Variants in KCNT2 observed in about 807,000 individuals in gnomAD.
KCNT2 encodes potassium sodium-activated channel subfamily T member 2, also known as potassium channel subfamily T member 2.
Under a neutral mutation model 153.8 loss-of-function variants are expected in KCNT2, and 67 were observed. That is an observed-to-expected ratio of 0.44 (90% CI 0.36 to 0.53). The LOEUF (loss-of-function observed/expected upper bound fraction) is 0.53. Among genes scored for constraint, KCNT2 ranks in the 20% least tolerant of loss-of-function variants. The probability of loss-of-function intolerance (pLI) is 0.00; values close to 1 mark genes in which losing one functional copy is unlikely to be tolerated. For synonymous variants in KCNT2, 500 were observed against 458.8 expected (o/e 1.09, Z -1.15); for missense variants, 975 against 1,354.8 (o/e 0.72, Z 4.40).
At chr1:196,414,147 A>T (rs1258482525) in intron 12 of KCNT2, among the ~76,000 whole-genome samples, 1 of 151,706 alleles carries the variant, frequency 6.6e-6, no homozygotes, top group Non-Finnish European at 1.5e-5. Flanking sequence ...AATCACTTCA[A>T]AGTTATGCCT....
intron 26 of KCNT2, among the ~76,000 whole-genome samples, chr1:196,246,015 T>A (rs150734663): frequency 6.6e-6 from 1 of 152,172 alleles, no homozygotes; most frequent in African/African-American, 2.4e-5. Flanking sequence ...ATCAAGCAGA[T>A]TAATCAAAAT....
At chr1:196,420,882 C>G (rs912949322) in intron 12 of KCNT2, among the ~76,000 whole-genome samples, 1 of 152,008 alleles carries the variant, frequency 6.6e-6, no homozygotes, top group African/African-American at 2.4e-5. Flanking sequence ...ATAGCAAACT[C>G]TTTTACCAGG....
intron 24 of KCNT2, 114 bp from the exon 25 acceptor site, chr1:196,281,102 A>C: frequency 6.6e-6 from 5 of 763,084 alleles, no homozygotes; most frequent in Non-Finnish European, 1.1e-5. Flanking sequence ...TCACTCTGTC[A>C]CCCAGGCTAC....
chr1:196,488,904 T>A (rs1273807366), intron 3 of KCNT2, among the ~76,000 whole-genome samples: 1 of 151,996 alleles, frequency 6.6e-6, no homozygotes, highest in Non-Finnish European at 1.5e-5. Flanking sequence ...TTGGCTGTTG[T>A]GAGAGAAGTA....
chr1:196,366,087 AC>A lies in KCNT2; in HGVS notation c.1403+7052del, dbSNP rs138278794. On this transcript the variant is annotated intron_variant, in intron 14 of 27. Transcript: ENST00000294725. ...GCCCATTGTTTCTTTTCAGATCTCAACTTTTACTACCTTTCTCTTCCTTCAC... is the reference window on the plus strand; with the variant it reads ...GCCCATTGTTTCTTTTCAGATCTCAATTTTACTACCTTTCTCTTCCTTCAC... 7.8e-3 allele frequency among the ~76,000 whole-genome samples: 1,180 copies of A among 152,074 alleles called. 15 individuals carry two copies. Among genetic ancestry groups the A allele is most frequent in the African/African-American group, 0.027 (1,127 of 41,490 alleles).
At chr1:196,448,859 C>T (rs1363562128) in intron 8 of KCNT2, among the ~76,000 whole-genome samples, 1 of 151,366 alleles carries the variant, frequency 6.6e-6, no homozygotes, top group African/African-American at 2.4e-5. Context: ...TATAAATATG[C>T]CTCTGTGAAA....
At chr1:196,394,838 C>A (rs1005619615) in intron 13 of KCNT2, among the ~76,000 whole-genome samples, 28 of 151,362 alleles carry the variant, frequency 1.8e-4, no homozygotes, top group Admixed American at 1.5e-3. Flanking sequence ...CAGAAAAATA[C>A]TGGATAAAAG....
intron 21 of KCNT2, among the ~76,000 whole-genome samples, chr1:196,311,068 A>T (rs2148002038): frequency 6.6e-6 from 1 of 151,928 alleles, no homozygotes; most frequent in South Asian, 2.1e-4. Context: ...CAGGTAAAAG[A>T]TTATCAGTTC....
intron 2 of KCNT2, among the ~76,000 whole-genome samples, chr1:196,490,885 A>C (rs1679807243): frequency 6.6e-6 from 1 of 152,014 alleles, no homozygotes; most frequent in Non-Finnish European, 1.5e-5. Context: ...AAAATCTAGA[A>C]ATGAAATGTC....
chr1:196,382,982 T>C (rs1669638934), intron 13 of KCNT2, among the ~76,000 whole-genome samples: 1 of 152,094 alleles, frequency 6.6e-6, no homozygotes, highest in Non-Finnish European at 1.5e-5. Flanking sequence ...CATGTGTATT[T>C]ACTTTTGATC....
At chr1:196,257,963 G>A (rs538957766) in intron 26 of KCNT2, 2 of 1,169,366 alleles carry the variant, frequency 1.7e-6, no homozygotes, top group Non-Finnish European at 2.1e-6. Context: ...GATAATTCAT[G>A]TAATGGGTTT....
At position 196,259,214 on chromosome 1, in the gene KCNT2, C is replaced by T. The variant is rs1470868671; in HGVS notation, c.2911-720G>A. Among the ~76,000 whole-genome samples the T allele has an allele frequency of 3.9e-5, 6 of 152,188 alleles. No individual in the cohort carries two copies. In the East Asian group the frequency reaches 1.2e-3, roughly 29 times the overall value. On this transcript the variant is annotated intron_variant, in intron 25 of 27. Transcript: ENST00000294725. Reference sequence around the variant, plus strand: ...AATTACAACTCAGACTTAAAACAGGCTGTTCTCCATAGGAGGGAAAAACAA... The same window carrying T: ...AATTACAACTCAGACTTAAAACAGGTTGTTCTCCATAGGAGGGAAAAACAA...
chr1:196,467,812 A>G (rs779012428), intron 6 of KCNT2, 26 bp from the exon 7 acceptor site: 59 of 1,465,372 alleles, frequency 4.0e-5, no homozygotes, highest in Non-Finnish European at 5.4e-5. Context: ...AAACAAAACT[A>G]GACTTTTATC....
intron 1 of KCNT2, among the ~76,000 whole-genome samples, chr1:196,515,434 A>G (rs1681968362): frequency 6.6e-6 from 1 of 151,312 alleles, no homozygotes. Flanking sequence ...AAATATGCAT[A>G]TTTCATTTGT....
chr1:196,257,677 G>A (rs1234074109), intron 26 of KCNT2: 1 of 979,058 alleles, frequency 1.0e-6, no homozygotes, highest in Non-Finnish European at 1.2e-6. Context: ...CAATTATTGA[G>A]ACAGATTGGC....
intron 21 of KCNT2, among the ~76,000 whole-genome samples, chr1:196,309,480 A>C (rs1231700537): frequency 6.6e-6 from 1 of 151,912 alleles, no homozygotes; most frequent in African/African-American, 2.4e-5. Context: ...AAATTAAATA[A>C]GACAACATAA....
chr1:196,390,887 A>ATT (rs1243956099), intron 13 of KCNT2, among the ~76,000 whole-genome samples: 117 of 111,660 alleles, frequency 1.0e-3, no homozygotes, highest in Non-Finnish European at 1.7e-3. Flanking sequence ...GATCTCATTC[A>ATT]TTCTTTTTTT....
chr1:196,416,349 G>A (rs1451785417), intron 12 of KCNT2, among the ~76,000 whole-genome samples: 2 of 152,016 alleles, frequency 1.3e-5, no homozygotes, highest in African/African-American at 2.4e-5. Context: ...TCTTAGCTGA[G>A]GTTGCCAAGA....
At chr1:196,276,370 G>T (rs1237325215) in intron 25 of KCNT2, among the ~76,000 whole-genome samples, 1 of 151,962 alleles carries the variant, frequency 6.6e-6, no homozygotes, top group Non-Finnish European at 1.5e-5. Context: ...TAATTGCTTT[G>T]ATATGTAATT....
Sources: gnomAD v4.1 joint callset for allele counts (sites outside exome capture counted in the v4.1 genomes callset) on GRCh38, gnomAD v4.1.1 for gene constraint, MANE v1.5 for transcripts, NCBI Gene and HGNC (gene_info 2026-07-23, HGNC 2026-07-21) for gene names.